MCM9: variants seen among roughly 807,000 people sequenced by gnomAD.
MCM9 encodes minichromosome maintenance 9 homologous recombination repair factor, also known as DNA helicase MCM9.
Under a neutral mutation model 72.8 loss-of-function variants are expected in MCM9, and 55 were observed. The observed-to-expected ratio is 0.76, with a 90% CI of 0.61 to 0.95. The LOEUF (loss-of-function observed/expected upper bound fraction) is 0.95. MCM9 is among the 40% of genes least tolerant of loss of function. The pLI, the probability that MCM9 is intolerant of heterozygous loss-of-function variation, is 0.00. For missense variants in MCM9, 1,279 were observed against 1,377.0 expected (o/e 0.93, Z 1.13); for synonymous variants, 480 against 503.4 (o/e 0.95, Z 0.62).
intron 13 of MCM9, among the ~76,000 whole-genome samples, chr6:118,820,777 A>G (rs1271358224): frequency 6.6e-6 from 1 of 151,890 alleles, no homozygotes; most frequent in African/African-American, 2.4e-5. Flanking sequence ...GAAGGTCTCT[A>G]AGGACTTCTT....
At chr6:118,890,774 A>G (rs1778892003) in intron 8 of MCM9, among the ~76,000 whole-genome samples, 1 of 152,204 alleles carries the variant, frequency 6.6e-6, no homozygotes, top group Non-Finnish European at 1.5e-5. Flanking sequence ...TTGACATCCT[A>G]TTTCTAATAA....
chr6:118,821,208 C>T (rs1300265914), intron 13 of MCM9, among the ~76,000 whole-genome samples: 3 of 152,180 alleles, frequency 2.0e-5, no homozygotes, highest in African/African-American at 7.2e-5. Flanking sequence ...GATGCAGTTT[C>T]TTCATAGCAT....
intron 9 of MCM9, among the ~76,000 whole-genome samples, chr6:118,838,727 T>C (rs1775146676): frequency 6.6e-6 from 1 of 152,200 alleles, no homozygotes; most frequent in South Asian, 2.1e-4. Flanking sequence ...GGCCGAAAAT[T>C]CTTTTCTTTA....
chr6:118,867,745 A>C (rs1228737145), intron 8 of MCM9, among the ~76,000 whole-genome samples: 2 of 152,194 alleles, frequency 1.3e-5, no homozygotes, highest in Non-Finnish European at 2.9e-5. Flanking sequence ...ATACAATGAC[A>C]AAATCACCTA....
chr6:118,890,308 G>C (rs139292887), intron 8 of MCM9, among the ~76,000 whole-genome samples: 1 of 152,088 alleles, frequency 6.6e-6, no homozygotes, highest in Non-Finnish European at 1.5e-5. Flanking sequence ...AGAGTACAAA[G>C]GTACTAGGAC....
At chr6:118,834,859 C>T (rs1374343857) in intron 9 of MCM9, among the ~76,000 whole-genome samples, 29 of 152,088 alleles carry the variant, frequency 1.9e-4, no homozygotes, top group Admixed American at 1.7e-3. Flanking sequence ...TTAGTTTAAT[C>T]AAATCCCATT....
At chr6:118,868,091 C>A (rs915307119) in intron 8 of MCM9, among the ~76,000 whole-genome samples, 1 of 151,714 alleles carries the variant, frequency 6.6e-6, no homozygotes, top group East Asian at 1.9e-4. Flanking sequence ...TGGCCAGGCT[C>A]GTCTTGAACT....
chr6:118,918,276 C>G (rs1272608177), intron 5 of MCM9: 2 of 153,658 alleles, frequency 1.3e-5, no homozygotes, highest in East Asian at 1.9e-4. Context: ...TTACTCACTG[C>G]CCCCCCACAT....
In MCM9 at chr6:118,826,794, C is replaced by G; in HGVS notation, c.1803G>C (p.Glu601Asp). The G allele has an allele frequency of 6.5e-7, 1 of 1,550,028 alleles. No individual in the cohort carries two copies. Among genetic ancestry groups the G allele is most frequent in the Non-Finnish European group, 8.7e-7 (1 of 1,146,678 alleles). Residue 601 changes from glutamate to aspartate, a missense_variant, in exon 12 of 14, where the codon GAG becomes GAC. Coordinates refer to ENST00000619706, the MANE Select transcript of MCM9 (RefSeq NM_017696.3). ...AAAATATCCTTACCTGCATTGAGGA[C>G]TCCATGACTGACACCACCGTAATAG... is the stretch of plus-strand genomic sequence containing the variant. ...EDAITVVSVM[E>D]SSMQGGALLG...
intron 11 of MCM9, 89 bp from the exon 12 acceptor site, chr6:118,826,953 TATGA>T (rs902475949): frequency 2.7e-4 from 268 of 992,168 alleles, no homozygotes; most frequent in Admixed American, 8.5e-4. Context: ...ATTTGTATTT[TATGA>T]ATGAGCTATT....
At chr6:118,922,902 C>T (rs1781546169) in intron 4 of MCM9, among the ~76,000 whole-genome samples, 2 of 151,942 alleles carry the variant, frequency 1.3e-5, no homozygotes, top group African/African-American at 4.8e-5. Context: ...CGAGGTGGCA[C>T]ACGCCCGTAA....
At chr6:118,910,322 G>A (rs1431610127) in intron 8 of MCM9, among the ~76,000 whole-genome samples, 2 of 151,980 alleles carry the variant, frequency 1.3e-5, no homozygotes, top group Non-Finnish European at 1.5e-5. Context: ...AAAGGCTAGC[G>A]TGGCCCTTTG....
intron 9 of MCM9, among the ~76,000 whole-genome samples, chr6:118,833,896 C>T (rs1774768558): frequency 6.6e-6 from 1 of 152,052 alleles, no homozygotes; most frequent in Non-Finnish European, 1.5e-5. Context: ...TATTATTATA[C>T]CTTAAGTTCT....
chr6:118,842,285 A>C (rs1289979014), intron 9 of MCM9, among the ~76,000 whole-genome samples: 1 of 152,242 alleles, frequency 6.6e-6, no homozygotes, highest in Non-Finnish European at 1.5e-5. Flanking sequence ...TTAAAAATCT[A>C]GTGATACCCT....
At chr6:118,835,540 T>C (rs1273495348) in intron 9 of MCM9, among the ~76,000 whole-genome samples, 1 of 152,338 alleles carries the variant, frequency 6.6e-6, no homozygotes, top group East Asian at 1.9e-4. Flanking sequence ...CAGTGGTTTG[T>C]AGTTCTCCTT....
chr6:118,924,726 T>A (rs1217615849), intron 3 of MCM9, among the ~76,000 whole-genome samples: 1 of 152,092 alleles, frequency 6.6e-6, no homozygotes, highest in African/African-American at 2.4e-5. Flanking sequence ...TTTTCAACAT[T>A]AAAAAACAGG....
intron 8 of MCM9, among the ~76,000 whole-genome samples, chr6:118,882,241 G>C (rs147022345): frequency 5.5e-4 from 84 of 152,320 alleles, no homozygotes; most frequent in Middle Eastern, 3.4e-3. Flanking sequence ...CCCCTGGCTG[G>C]AGCAGTAGCT....
Position 118,829,075 on chromosome 6 carries a change from T to C in MCM9, c.1501A>G (p.Ile501Val). Residue 501 changes from isoleucine to valine, a missense_variant, in exon 10 of 14, where the codon ATT (isoleucine) becomes GTT (valine). Transcript: ENST00000619706. ...TTATTTTCTAAGATAAAGGAGGAAA[T>C]GATACGATCCCAGTCTTCATTCTTG... ...DTKNEDWDRIISSFILENKGY... is the reference protein window; with the variant it reads ...DTKNEDWDRIVSSFILENKGY... The C allele has an allele frequency of 6.4e-7, 1 of 1,550,662 alleles. No individual in the cohort carries two copies. The highest frequency in any genetic ancestry group is 8.7e-7 in the Non-Finnish European group (1 of 1,146,996).
intron 6 of MCM9, among the ~76,000 whole-genome samples, chr6:118,914,359 A>G (rs1456977720): frequency 6.6e-6 from 1 of 152,096 alleles, no homozygotes; most frequent in African/African-American, 2.4e-5. Context: ...GGCCTAACCA[A>G]CCTATGGAAT....
Sources: gnomAD v4.1 joint callset for allele counts (sites outside exome capture counted in the v4.1 genomes callset) on GRCh38, gnomAD v4.1.1 for gene constraint, MANE v1.5 for transcripts, NCBI Gene and HGNC (gene_info 2026-07-23, HGNC 2026-07-21) for gene names.